FGGY: variants seen among roughly 807,000 people sequenced by gnomAD.
The protein encoded by FGGY is FGGY carbohydrate kinase domain containing, also known as FGGY carbohydrate kinase domain-containing protein.
A neutral mutation model predicts 71.3 loss-of-function variants in FGGY; 72 were observed. That is an observed-to-expected ratio of 1.01 (90% CI 0.84 to 1.23). The LOEUF (loss-of-function observed/expected upper bound fraction) is 1.23, where lower values mean the gene tolerates loss of function less well. Among genes scored for constraint, FGGY ranks in the 50% most tolerant of loss-of-function variants. FGGY has a pLI of 0.00. For synonymous variants in FGGY, 251 were observed against 250.3 expected, an observed-to-expected ratio of 1.00 and a Z score of -0.02; for missense variants, 668 against 682.3, an observed-to-expected ratio of 0.98 and a Z score of 0.23.
chr1:59,499,295 G>GTTTTTTTTTTTTTTTTTT (rs1558134095), intron 6 of FGGY, among the ~76,000 whole-genome samples: 1 of 70,088 alleles, frequency 1.4e-5, no homozygotes, highest in Non-Finnish European at 2.8e-5. Context: ...TGTATACTAT[G>GTTTTTTTTTTTTTTTTTT]TTTGTTTTTT....
intron 7 of FGGY, among the ~76,000 whole-genome samples, chr1:59,538,837 G>A (rs1360991266): frequency 8.5e-6 from 1 of 117,886 alleles, no homozygotes; most frequent in Non-Finnish European, 1.7e-5. Context: ...ACACTTTGGG[G>A]ACTGTTGTGG....
In FGGY at chr1:59,545,356, A is replaced by AT. The variant is rs528065833; in HGVS notation, c.800-8759dup. Among the ~76,000 whole-genome samples, 14 of 151,628 alleles carry AT rather than the reference A, an allele frequency of 9.2e-5. No individual in the cohort carries two copies. In the East Asian group the frequency reaches 2.1e-3, roughly 23 times the overall value. On this transcript the variant is annotated intron_variant, in intron 7 of 15. Coordinates refer to ENST00000303721, the MANE Select transcript of FGGY (RefSeq NM_018291.5). ...TGTGATGCTTAGGCCAGTTCTCTTA[A>AT]TTTTTTTTTCTATTTTTAATTTTTA...
intron 14 of FGGY, among the ~76,000 whole-genome samples, chr1:59,728,520 G>T (rs151055694): frequency 2.6e-5 from 4 of 151,512 alleles, no homozygotes; most frequent in Non-Finnish European, 4.4e-5. Flanking sequence ...CCAAGTTTTT[G>T]ACCTATATCA....
chr1:59,651,236 G>T (rs1572658027), intron 11 of FGGY, among the ~76,000 whole-genome samples: 1 of 152,126 alleles, frequency 6.6e-6, no homozygotes, highest in Non-Finnish European at 1.5e-5. Flanking sequence ...TGTTGATTTG[G>T]GGGTGGAGAG....
At chr1:59,467,046 G>A (rs933239631) in intron 6 of FGGY, among the ~76,000 whole-genome samples, 13 of 152,060 alleles carry the variant, frequency 8.5e-5, no homozygotes, top group East Asian at 3.8e-4. Context: ...AAAGACACGC[G>A]TACACGTATT....
chr1:59,598,531 G>A (rs1266199915), intron 8 of FGGY, among the ~76,000 whole-genome samples: 1 of 152,164 alleles, frequency 6.6e-6, no homozygotes, highest in Non-Finnish European at 1.5e-5. Flanking sequence ...TTTGAGGACT[G>A]TTTGGTAGGG....
intron 7 of FGGY, among the ~76,000 whole-genome samples, chr1:59,518,852 C>T (rs1334823886): frequency 1.3e-5 from 2 of 152,194 alleles, no homozygotes; most frequent in African/African-American, 2.4e-5. Flanking sequence ...TGTTCAGTTT[C>T]AGGTATTCCT....
intron 5 of FGGY, among the ~76,000 whole-genome samples, chr1:59,428,191 G>T (rs1218965795): frequency 6.6e-6 from 1 of 152,124 alleles, no homozygotes; most frequent in East Asian, 1.9e-4. Flanking sequence ...ACATTTTCTG[G>T]TCTTAATAAT....
At chr1:59,456,234 TACAA>T (rs2091678143) in intron 5 of FGGY, among the ~76,000 whole-genome samples, 1 of 152,200 alleles carries the variant, frequency 6.6e-6, no homozygotes, top group Admixed American at 6.5e-5. Flanking sequence ...ATGTATCTTA[TACAA>T]ACATTTTCAG....
chr1:59,436,737 CTGGAGACTGGGTA>C (rs2068561698), intron 5 of FGGY, among the ~76,000 whole-genome samples: 1 of 152,016 alleles, frequency 6.6e-6, no homozygotes, highest in Non-Finnish European at 1.5e-5. Context: ...CAGCCTGTGC[CTGGAGACTGGGTA>C]AAGTTGAATG....
intron 5 of FGGY, among the ~76,000 whole-genome samples, chr1:59,400,276 C>T (rs1221379770): frequency 6.6e-6 from 1 of 152,202 alleles, no homozygotes; most frequent in Admixed American, 6.5e-5. Context: ...CCACTCCTTT[C>T]ATTTATTCAC....
intron 5 of FGGY, among the ~76,000 whole-genome samples, chr1:59,453,558 C>T (rs931756564): frequency 2.0e-5 from 3 of 152,132 alleles, no homozygotes; most frequent in Non-Finnish European, 4.4e-5. Flanking sequence ...TCTTGGCTGA[C>T]TGATCCACGT....
At chr1:59,336,479 G>GTTT (rs55777640) in intron 2 of FGGY, among the ~76,000 whole-genome samples, 3,748 of 143,806 alleles carry the variant, frequency 0.026, 178 homozygotes, top group African/African-American at 0.09. Context: ...AAACCTGCTA[G>GTTT]TTTTTTTTTT....
At chr1:59,384,897 T>C (rs749256444) in intron 5 of FGGY, among the ~76,000 whole-genome samples, 1 of 152,166 alleles carries the variant, frequency 6.6e-6, no homozygotes, top group Non-Finnish European at 1.5e-5. Context: ...AAAAAAACTT[T>C]GGGTAATAAA....
At position 59,444,024 on chromosome 1, in the gene FGGY, A is replaced by T. The variant is rs1419194447; in HGVS notation, c.555-12937A>T. On this transcript the variant is annotated intron_variant, in intron 5 of 15. Coordinates refer to ENST00000303721, the MANE Select transcript of FGGY (RefSeq NM_018291.5). ...AAGCCAGAATCATAAGCCTGAAATA[A>T]TTGAGTGAGAAACCCAACATTACTA... Among the ~76,000 whole-genome samples the T allele has an allele frequency of 3.3e-5, 5 of 152,336 alleles. No individual in the cohort carries two copies. The East Asian group carries it at 9.7e-4, about 29-fold the overall frequency.
intron 5 of FGGY, among the ~76,000 whole-genome samples, chr1:59,403,285 A>G (rs529190847): frequency 6.6e-6 from 1 of 152,318 alleles, no homozygotes; most frequent in South Asian, 2.1e-4. Flanking sequence ...GACTTTGACA[A>G]GCCTAGACTA....
intron 15 of FGGY, among the ~76,000 whole-genome samples, chr1:59,761,290 G>A (rs367705462): frequency 4.6e-5 from 7 of 152,186 alleles, no homozygotes; most frequent in East Asian, 1.9e-4. Flanking sequence ...CAACTCCTAC[G>A]TTACCAGAAT....
intron 8 of FGGY, among the ~76,000 whole-genome samples, chr1:59,570,228 C>CA (rs1006563456): frequency 3.9e-5 from 6 of 152,068 alleles, no homozygotes; most frequent in African/African-American, 1.4e-4. Context: ...GGAAAACTTT[C>CA]AAAAAAACTG....
At chr1:59,600,650 C>A (rs1301776880) in intron 8 of FGGY, among the ~76,000 whole-genome samples, 1 of 152,172 alleles carries the variant, frequency 6.6e-6, no homozygotes, top group Non-Finnish European at 1.5e-5. Flanking sequence ...GCTTAACATG[C>A]CTTGAGAGCA....
Sources: allele counts gnomAD v4.1 joint callset (sites outside exome capture counted in the v4.1 genomes callset), GRCh38; gene constraint gnomAD v4.1.1; transcripts MANE v1.5; gene names NCBI Gene and HGNC (gene_info 2026-07-23, HGNC 2026-07-21).